The following DSE variants were observed in gnomAD, a reference collection of about 807,000 sequenced individuals.
DSE encodes the protein dermatan-sulfate epimerase.
A neutral mutation model predicts 84.4 loss-of-function variants in DSE; 36 were observed. The observed-to-expected ratio is 0.43, with a 90% CI of 0.33 to 0.56. The LOEUF (loss-of-function observed/expected upper bound fraction) is 0.56. Among genes scored for constraint, DSE ranks in the 20% least tolerant of loss-of-function variants. DSE has a pLI of 0.06. For missense variants in DSE, 862 were observed against 1,169.6 expected (o/e 0.74, Z 3.84); for synonymous variants, 410 against 430.1 (o/e 0.95, Z 0.58).
At chr6:116,387,319 G>T (rs1780636251) in intron 1 of DSE, among the ~76,000 whole-genome samples, 2 of 152,182 alleles carry the variant, frequency 1.3e-5, no homozygotes, top group South Asian at 2.1e-4. Context: ...CATGACTTTG[G>T]TGAGAAAATT....
intron 2 of DSE, among the ~76,000 whole-genome samples, chr6:116,286,185 C>T (rs1288896683): frequency 1.3e-5 from 2 of 152,138 alleles, no homozygotes; most frequent in Non-Finnish European, 2.9e-5. Flanking sequence ...TTTGTGTCCT[C>T]TTTTATTTCG....
rs373852073 is a variant in DSE, at chr6:116,382,785, C to T, written c.-54+11664C>T. Among the ~76,000 whole-genome samples, 101 of 152,144 alleles carry T rather than the reference C, an allele frequency of 6.6e-4. No homozygotes were observed. In the South Asian group the frequency reaches 0.02, roughly 30 times the overall value. On this transcript the variant is annotated intron_variant, in intron 1 of 5. Transcript: ENST00000644252. ...GCTGTGTGGCAAGAGAGAAATTTTT[C>T]CCCGCCCTACCCCCAGGCTTATGGT...
At chr6:116,420,457 C>A (rs1397302562) in intron 2 of DSE, among the ~76,000 whole-genome samples, 2 of 152,138 alleles carry the variant, frequency 1.3e-5, no homozygotes, top group African/African-American at 4.8e-5. Flanking sequence ...TGCCTTATCC[C>A]CACACCATAC....
intron 1 of DSE, among the ~76,000 whole-genome samples, chr6:116,383,338 G>A (rs780956680): frequency 2.0e-4 from 31 of 152,290 alleles, no homozygotes; most frequent in Middle Eastern, 3.4e-3. Flanking sequence ...GACTCAGGCT[G>A]TGAATAGACA....
intron 2 of DSE, among the ~76,000 whole-genome samples, chr6:116,284,744 C>T (rs938266019): frequency 6.9e-6 from 1 of 145,262 alleles, no homozygotes; most frequent in African/African-American, 2.6e-5. Context: ...TGTTCAATTC[C>T]CACCTATGAG....
intron 2 of DSE, chr6:116,412,796 A>G (rs1020320596): frequency 6.6e-6 from 1 of 151,554 alleles, no homozygotes; most frequent in Non-Finnish European, 1.5e-5. Context: ...TTATCCTGAC[A>G]CCCAGGTAGT....
At chr6:116,273,531 C>G (rs1397426099) in intron 2 of DSE, among the ~76,000 whole-genome samples, 2 of 152,084 alleles carry the variant, frequency 1.3e-5, no homozygotes, top group Non-Finnish European at 2.9e-5. Context: ...TAGTCTAGGA[C>G]TTTAATTATA....
At chr6:116,370,067 T>G (rs964882405), upstream of DSE, 15 of 800,604 alleles carry the variant, frequency 1.9e-5, no homozygotes, top group Non-Finnish European at 2.7e-5. Flanking sequence ...GGGGCCTGGT[T>G]GGACCTGGCT....
intron 2 of DSE, among the ~76,000 whole-genome samples, chr6:116,340,445 C>T (rs1777520570): frequency 6.6e-6 from 1 of 152,078 alleles, no homozygotes; most frequent in Non-Finnish European, 1.5e-5. Flanking sequence ...TTTCTAATTT[C>T]TATCACCTGA....
At chr6:116,338,563 A>C (rs1012181706) in intron 2 of DSE, among the ~76,000 whole-genome samples, 2 of 152,004 alleles carry the variant, frequency 1.3e-5, no homozygotes, top group African/African-American at 4.8e-5. Context: ...TTAAATGTGG[A>C]TCTCATGAAT....
intron 1 of DSE, among the ~76,000 whole-genome samples, chr6:116,396,152 T>C (rs1472691165): frequency 6.6e-6 from 1 of 152,188 alleles, no homozygotes; most frequent in Admixed American, 6.5e-5. Flanking sequence ...GCCCAGGGAT[T>C]TGGTTCAGCA....
At chr6:116,282,543 G>A (rs1773605733) in intron 2 of DSE, among the ~76,000 whole-genome samples, 1 of 152,150 alleles carries the variant, frequency 6.6e-6, no homozygotes, top group Non-Finnish European at 1.5e-5. Context: ...CCCAAATAAC[G>A]TTGAGACTCT....
intron 2 of DSE, among the ~76,000 whole-genome samples, chr6:116,425,870 T>A (rs901843113): frequency 1.3e-5 from 2 of 152,096 alleles, no homozygotes; most frequent in African/African-American, 4.8e-5. Context: ...GATCCGCCCG[T>A]CTCGGCCTCC....
chr6:116,401,229 G>A (rs918218079), intron 2 of DSE: 2 of 152,020 alleles, frequency 1.3e-5, no homozygotes, highest in African/African-American at 4.8e-5. Flanking sequence ...GCTGCCATTA[G>A]GATGAGACTC....
Position 116,258,936 on chromosome 6 carries a change from G to A in DSE, c.-85G>A. The A allele has an allele frequency of 4.6e-6, 7 of 1,531,504 alleles. No individual in the cohort carries two copies. In the South Asian group the frequency reaches 5.6e-5, roughly 12 times the overall value. 94.9% of individuals were successfully genotyped at this position (1,531,504 alleles called of 1,614,324 possible). On this transcript the variant is annotated 5_prime_UTR_variant, in exon 2 of 4. Transcript: ENST00000430252. ...CAATGGGACACTGAGCTTTGTGGAA[G>A]CATTTGGCGGCATACCACCCTGCAC...
chr6:116,285,702 G>T (rs544767516), intron 2 of DSE, among the ~76,000 whole-genome samples: 1 of 152,320 alleles, frequency 6.6e-6, no homozygotes, highest in East Asian at 1.9e-4. Flanking sequence ...TTTGTATGCG[G>T]TGTAAGGAAG....
chr6:116,400,141 T>C (rs1781504039), intron 2 of DSE: 1 of 153,040 alleles, frequency 6.5e-6, no homozygotes, highest in African/African-American at 2.4e-5. Context: ...TCCCCTCCAA[T>C]AACCAGCAGA....
At chr6:116,362,844 T>C (rs1339287215) in intron 2 of DSE, among the ~76,000 whole-genome samples, 1 of 152,218 alleles carries the variant, frequency 6.6e-6, no homozygotes, top group Non-Finnish European at 1.5e-5. Flanking sequence ...TGGGTGGTCC[T>C]AAAGTATAAC....
rs139167448 is a variant in DSE, at chr6:116,349,605, T to C, written c.-53-49593T>C. Among the ~76,000 whole-genome samples, 75 of 152,312 alleles carry C rather than the reference T, an allele frequency of 4.9e-4. 1 individual carries two copies. In the East Asian group the frequency reaches 0.014, roughly 29 times the overall value. On this transcript the variant is annotated intron_variant, in intron 2 of 3. Coordinates refer to the DSE transcript ENST00000430252. ...GTTTACCCACCTCAGAGATCAGCAC[T>C]TTTACCAAATATGCTGCTGGGAGTG...
Sources: allele counts gnomAD v4.1 joint callset (sites outside exome capture counted in the v4.1 genomes callset), GRCh38; gene constraint gnomAD v4.1.1; transcripts MANE v1.5; gene names NCBI Gene and HGNC (gene_info 2026-07-23, HGNC 2026-07-21).